Variants in MORF4L1 observed in about 807,000 individuals in gnomAD.
The protein encoded by MORF4L1 is mortality factor 4-like protein 1.
Under a neutral mutation model 52.9 loss-of-function variants are expected in MORF4L1, and 4 were observed. The observed-to-expected ratio is 0.08, with a 90% CI of 0.04 to 0.17. MORF4L1 has a LOEUF of 0.17. Among genes scored for constraint, MORF4L1 ranks in the 10% least tolerant of loss-of-function variants. The probability of loss-of-function intolerance (pLI) is 1.00; values close to 1 mark genes in which losing one functional copy is unlikely to be tolerated. For synonymous variants in MORF4L1, 123 were observed against 134.8 expected (o/e 0.91, Z 0.61); for missense variants, 214 against 390.4 (o/e 0.55, Z 3.81).
chr15:78,891,182 T>G, intron 6 of MORF4L1, 168 bp downstream of exon 6: 1 of 860,872 alleles, frequency 1.2e-6, no homozygotes, highest in South Asian at 1.6e-5. Flanking sequence ...AGACCTCTTT[T>G]TGCCAAGGAG....
intron 2 of MORF4L1, among the ~76,000 whole-genome samples, chr15:78,878,951 G>A (rs1019713794): frequency 1.3e-4 from 20 of 151,970 alleles, no homozygotes; most frequent in African/African-American, 4.6e-4. Flanking sequence ...ATAAATTCTT[G>A]GTGAGTAGTT....
intron 3 of MORF4L1, among the ~76,000 whole-genome samples, chr15:78,885,476 G>GA (rs1423325739): frequency 1.3e-5 from 2 of 152,200 alleles, no homozygotes; most frequent in Non-Finnish European, 2.9e-5. Flanking sequence ...GATCAGCCTT[G>GA]AAAGTTATTA....
At chr15:78,883,088 G>A (rs1331264034) in intron 3 of MORF4L1, among the ~76,000 whole-genome samples, 3 of 151,846 alleles carry the variant, frequency 2.0e-5, no homozygotes, top group East Asian at 3.9e-4. Context: ...GGTGGCACAC[G>A]ACTGTAGTCC....
chr15:78,884,679 AC>A (rs2056667663), intron 3 of MORF4L1, among the ~76,000 whole-genome samples: 1 of 149,636 alleles, frequency 6.7e-6, no homozygotes, highest in Non-Finnish European at 1.5e-5. Context: ...ACACACACAC[AC>A]ACACACAAAT....
chr15:78,891,520 C>A lies in MORF4L1; in HGVS notation c.386C>A (p.Thr129Asn), dbSNP rs368821371. 1.9e-6 allele frequency: 3 copies of A among 1,614,030 alleles called. No homozygotes were observed. The highest frequency in any genetic ancestry group is 1.7e-5 in the Admixed American group (1 of 60,002). Residue 129 changes from threonine to asparagine, a missense_variant, in exon 7 of 12, where the codon ACC (threonine) becomes AAC (asparagine). Thr to Asn is a moderately conservative substitution (Grantham distance 65). This residue lies in a region of MORF4L1 where 84 missense variants were observed against 116.3 expected (regional missense o/e 0.72). Transcript: ENST00000426013. ...GGAGATGGTGGCAGTACCAGTGAGA[C>A]CCCTCAGCCTCCTCGGAAGAAAAGG... ...GNGDGGSTSETPQPPRKKRAR... is the reference protein window; with the variant it reads ...GNGDGGSTSENPQPPRKKRAR...
At chr15:78,873,309 CGTCAAGTGTTT>C in intron 1 of MORF4L1, 1 of 1,204,826 alleles carries the variant, frequency 8.3e-7, no homozygotes, top group South Asian at 1.6e-5. Flanking sequence ...GGCACACCCT[CGTCAAGTGTTT>C]GTTATTGTTC....
At chr15:78,884,875 A>C (rs2056671457) in intron 3 of MORF4L1, 2 of 795,888 alleles carry the variant, frequency 2.5e-6, no homozygotes, top group African/African-American at 1.8e-5. Flanking sequence ...CACACACTTA[A>C]ATACTCCATT....
intron 7 of MORF4L1, 37 bp downstream of exon 7, chr15:78,891,609 AT>A: frequency 1.3e-6 from 2 of 1,496,998 alleles, no homozygotes; most frequent in Non-Finnish European, 1.9e-6. Context: ...GCATGTTAGG[AT>A]TTTTAGTCTC....
intron 1 of MORF4L1, 139 bp downstream of exon 1, chr15:78,873,196 G>A (rs1302267587): frequency 2.4e-5 from 37 of 1,516,440 alleles, no homozygotes; most frequent in Non-Finnish European, 3.2e-5. Flanking sequence ...TGCGGGGAAA[G>A]CGCATTGCGG....
Position 78,897,436 on chromosome 15 carries a change from A to G in MORF4L1, c.*369A>G, listed in dbSNP as rs1412384933. The G allele has an allele frequency of 5.5e-6, 1 of 183,258 alleles. No individual in the cohort carries two copies. The highest frequency in any genetic ancestry group is 1.2e-5 in the Non-Finnish European group (1 of 84,184). 11.4% of individuals were successfully genotyped at this position (183,258 alleles called of 1,614,324 possible). A position where few individuals can be genotyped will look rare whatever the true frequency, so the allele number is the denominator to read the frequency against. On this transcript the variant is annotated 3_prime_UTR_variant, in exon 12 of 12. Coordinates refer to ENST00000426013, the MANE Select transcript of MORF4L1 (RefSeq NM_006791.4). ...ACAAAATGCTCTGATTCCTAGTGCC[A>G]AAGGTTCAATTCAGTGTATATAACT...
Position 78,893,545 on chromosome 15 carries a change from T to C in MORF4L1, c.547T>C (p.Tyr183His), listed in dbSNP as rs1661528638. The change falls in exon 9 of 12, where the codon TAT (tyrosine) becomes CAT (histidine). Residue 183 changes from tyrosine (Y) to histidine (H), a missense_variant. This residue lies in a region of MORF4L1 where 68 missense variants were observed against 171.6 expected (regional missense o/e 0.40). Transcript: ENST00000426013. ...DLITRQKQLF[Y>H]LPAKKNVDSI... ...CATATTTTTGTCTTCATAGCTCTTTTATCTTCCTGCCAAGAAGAATGTGGA... is the reference window on the plus strand; with the variant it reads ...CATATTTTTGTCTTCATAGCTCTTTCATCTTCCTGCCAAGAAGAATGTGGA... The C allele has an allele frequency of 2.5e-6, 4 of 1,603,336 alleles. No homozygotes were observed. The highest frequency in any genetic ancestry group is 3.4e-6 in the Non-Finnish European group (4 of 1,171,754).
In MORF4L1 at chr15:78,888,057, G is replaced by GCCACT. The variant is rs1329721105; in HGVS notation, c.323+709_323+713dup. Among the ~76,000 whole-genome samples the GCCACT allele has an allele frequency of 2.9e-4, 44 of 152,246 alleles. 1 individual carries two copies. The highest frequency in any genetic ancestry group is 8.8e-5 in the Non-Finnish European group (6 of 68,036). ...CAGAGTGCTGGGATTATAGGCGTGA[G>GCCACT]CCACTGCTCCTGGCACAAAACCATT... is the stretch of plus-strand genomic sequence containing the variant. On this transcript the variant is annotated intron_variant, in intron 5 of 11. Transcript: ENST00000426013.
intron 2 of MORF4L1, 39 bp from the exon 3 acceptor site, chr15:78,880,473 A>T (rs772284932): frequency 2.7e-6 from 4 of 1,497,928 alleles, no homozygotes; most frequent in East Asian, 2.3e-5. Context: ...GTCTTTAAAA[A>T]ATTTCTAAGT....
Position 78,873,629 on chromosome 15 carries a change from G to A in MORF4L1, c.40+572G>A, listed in dbSNP as rs935695915. On this transcript the variant is annotated intron_variant, in intron 1 of 11. Transcript: ENST00000426013. ...AGATGGCGGCGCCATCATGGCCGCC[G>A]GCGTCTCGGTCCCGTATGGAGGCAC... 11 of 163,546 alleles carry A rather than the reference G, an allele frequency of 6.7e-5. No individual in the cohort carries two copies. The Middle Eastern group carries it at 9.1e-3, about 135-fold the overall frequency. 10.1% of individuals were successfully genotyped at this position (163,546 alleles called of 1,614,324 possible).
chr15:78,881,562 G>A (rs2056604401), intron 3 of MORF4L1, among the ~76,000 whole-genome samples: 1 of 152,012 alleles, frequency 6.6e-6, no homozygotes, highest in South Asian at 2.1e-4. Context: ...TGGACAGTGG[G>A]TATAGATTGA....
At chr15:78,885,068 C>T (rs781321108) in intron 3 of MORF4L1, 1 of 1,611,210 alleles carries the variant, frequency 6.2e-7, no homozygotes, top group Admixed American at 1.7e-5. Context: ...GTACACCACC[C>T]CCTCCTGACC....
intron 1 of MORF4L1, among the ~76,000 whole-genome samples, chr15:78,874,758 C>T (rs1017882771): frequency 6.6e-6 from 1 of 150,980 alleles, no homozygotes; most frequent in African/African-American, 2.4e-5. Context: ...CCTCTCTCAC[C>T]TTGAGAAGCT....
intron 3 of MORF4L1, among the ~76,000 whole-genome samples, chr15:78,883,260 C>T (rs1054200377): frequency 4.0e-5 from 6 of 149,106 alleles, no homozygotes; most frequent in South Asian, 4.2e-4. Flanking sequence ...AGGGAAACTA[C>T]GACAAGGGAA....
intron 1 of MORF4L1, among the ~76,000 whole-genome samples, chr15:78,874,155 T>A (rs2056432147): frequency 6.6e-6 from 1 of 152,200 alleles, no homozygotes; most frequent in African/African-American, 2.4e-5. Context: ...AGTAAAGTCC[T>A]GTTGAGAAAG....
Sources: allele counts gnomAD v4.1 joint callset (sites outside exome capture counted in the v4.1 genomes callset), GRCh38; gene constraint gnomAD v4.1.1; regional missense constraint gnomAD v4.1.1; transcripts MANE v1.5; gene names NCBI Gene and HGNC (gene_info 2026-07-23, HGNC 2026-07-21).